The following CSMD3 variants were observed in gnomAD, a reference collection of about 807,000 sequenced individuals.
CSMD3 encodes the protein CUB and Sushi multiple domains 3, also known as CUB and sushi domain-containing protein 3.
A neutral mutation model predicts 435.2 loss-of-function variants in CSMD3; 177 were observed. The ratio of observed to expected loss-of-function variants is 0.41; its 90% CI spans 0.36 to 0.46. CSMD3 has a LOEUF of 0.46. Among genes scored for constraint, CSMD3 ranks in the 20% least tolerant of loss-of-function variants. The pLI is 0.34. For synonymous variants in CSMD3, 1,656 were observed against 1,520.5 expected (o/e 1.09, Z -2.07); for missense variants, 4,265 against 4,504.6 (o/e 0.95, Z 1.52).
At chr8:112,731,176 A>G (rs1038851024) in intron 13 of CSMD3, among the ~76,000 whole-genome samples, 9 of 152,054 alleles carry the variant, frequency 5.9e-5, no homozygotes, top group Non-Finnish European at 1.2e-4. Context: ...TACCACATCA[A>G]TGTTGCTGAT....
At chr8:112,483,661 C>T (rs1819846550) in intron 31 of CSMD3, among the ~76,000 whole-genome samples, 1 of 152,072 alleles carries the variant, frequency 6.6e-6, no homozygotes, top group Non-Finnish European at 1.5e-5. Flanking sequence ...CTGATCTACT[C>T]CAGAATCTTC....
intron 29 of CSMD3, 26 bp from the exon 30 acceptor site, chr8:112,504,003 A>C: frequency 7.1e-7 from 1 of 1,401,936 alleles, no homozygotes. Context: ...AAAGAACAAA[A>C]GAAAGAAAGA....
At chr8:113,122,858 T>A (rs985320437) in intron 4 of CSMD3, among the ~76,000 whole-genome samples, 1 of 151,934 alleles carries the variant, frequency 6.6e-6, no homozygotes, top group Non-Finnish European at 1.5e-5. Flanking sequence ...AATACAAAAT[T>A]AATACAAACA....
At chr8:112,303,557 AAAACAAAC>A (rs960329413) in intron 52 of CSMD3, among the ~76,000 whole-genome samples, 2 of 152,094 alleles carry the variant, frequency 1.3e-5, no homozygotes, top group African/African-American at 4.8e-5. Flanking sequence ...TCTTTCTCAA[AAAACAAAC>A]AAACAAACAA....
At chr8:112,647,061 AAAGC>A (rs1404964339) in intron 19 of CSMD3, among the ~76,000 whole-genome samples, 5 of 147,932 alleles carry the variant, frequency 3.4e-5, no homozygotes, top group Admixed American at 2.7e-4. Context: ...TACAGATGAG[AAAGC>A]AAGCAAGTAT....
chr8:113,024,450 C>T lies in CSMD3; in HGVS notation c.918-5271G>A, dbSNP rs75238018. On this transcript the variant is annotated intron_variant, in intron 5 of 70. Transcript: ENST00000297405. Reference sequence around the variant, plus strand: ...ATATAGTTCTTCAACCTATTAACTTCACCTCTTTTGGATATTTACCTGGTA... The same window carrying T: ...ATATAGTTCTTCAACCTATTAACTTTACCTCTTTTGGATATTTACCTGGTA... 6.6e-3 allele frequency among the ~76,000 whole-genome samples: 1,002 copies of T among 151,942 alleles called. 12 individuals are homozygous for T. The highest frequency in any genetic ancestry group is 0.023 in the African/African-American group (961 of 41,488).
chr8:112,867,692 A>G (rs1276418646), intron 10 of CSMD3, among the ~76,000 whole-genome samples: 1 of 152,132 alleles, frequency 6.6e-6, no homozygotes, highest in Non-Finnish European at 1.5e-5. Flanking sequence ...AACAAAGAAA[A>G]GGTAAAAATA....
chr8:112,885,381 C>CAT (rs1364485633), intron 10 of CSMD3, among the ~76,000 whole-genome samples: 2 of 142,204 alleles, frequency 1.4e-5, no homozygotes, highest in African/African-American at 5.2e-5. Flanking sequence ...TATATATATA[C>CAT]ATATATATAT....
intron 11 of CSMD3, among the ~76,000 whole-genome samples, chr8:112,843,096 G>A (rs555669424): frequency 8.6e-5 from 13 of 151,854 alleles, no homozygotes; most frequent in African/African-American, 3.1e-4. Flanking sequence ...TATCCAAAAA[G>A]AGAGATTTTA....
At chr8:113,002,036 C>G (rs1015934261) in intron 6 of CSMD3, among the ~76,000 whole-genome samples, 3 of 152,026 alleles carry the variant, frequency 2.0e-5, no homozygotes, top group Non-Finnish European at 4.4e-5. Context: ...GAGAGACCTA[C>G]AAATAACTAT....
At chr8:112,591,949 A>G (rs1831229512) in intron 22 of CSMD3, among the ~76,000 whole-genome samples, 1 of 152,060 alleles carries the variant, frequency 6.6e-6, no homozygotes. Context: ...CTAAAAAAGC[A>G]AAAATGTTGC....
At chr8:113,377,005 A>G (rs540296787) in intron 1 of CSMD3, 1 of 739,456 alleles carries the variant, frequency 1.4e-6, no homozygotes, top group Non-Finnish European at 1.9e-6. Flanking sequence ...CCGCAGCCAC[A>G]TCTTCTAGGG....
intron 56 of CSMD3, among the ~76,000 whole-genome samples, chr8:112,290,205 T>C (rs1471848907): frequency 2.0e-5 from 3 of 152,076 alleles, no homozygotes; most frequent in Non-Finnish European, 4.4e-5. Flanking sequence ...GTTTCAGAAT[T>C]TAACATGTGT....
At chr8:112,785,117 C>T (rs1338493800) in intron 13 of CSMD3, among the ~76,000 whole-genome samples, 1 of 151,686 alleles carries the variant, frequency 6.6e-6, no homozygotes, top group East Asian at 1.9e-4. Context: ...CATCTGCATA[C>T]CAATTAATGT....
intron 35 of CSMD3, among the ~76,000 whole-genome samples, chr8:112,402,733 A>G (rs142011995): frequency 1.1e-3 from 172 of 152,306 alleles, no homozygotes; most frequent in Admixed American, 3.9e-3. Context: ...TTAAAAATCT[A>G]CTGTGAGTTT....
chr8:112,647,425 TCCA>T (rs1457029304), intron 19 of CSMD3, among the ~76,000 whole-genome samples: 1 of 150,408 alleles, frequency 6.6e-6, no homozygotes, highest in Non-Finnish European at 1.5e-5. Flanking sequence ...CCTCAGCCCC[TCCA>T]CCGCAGTAGC....
At chr8:113,221,264 G>T (rs1269331564) in intron 3 of CSMD3, among the ~76,000 whole-genome samples, 2 of 150,852 alleles carry the variant, frequency 1.3e-5, no homozygotes, top group Non-Finnish European at 3.0e-5. Flanking sequence ...ATGTCCCTAA[G>T]AAAATTCATC....
At chr8:113,280,906 T>A (rs962364396) in intron 2 of CSMD3, among the ~76,000 whole-genome samples, 3 of 151,986 alleles carry the variant, frequency 2.0e-5, no homozygotes, top group African/African-American at 4.8e-5. Flanking sequence ...TTGATTGCGC[T>A]TTTGACCCAA....
chr8:112,598,299 T>C (rs1831955085), intron 22 of CSMD3, among the ~76,000 whole-genome samples: 1 of 146,570 alleles, frequency 6.8e-6, no homozygotes, highest in Admixed American at 6.9e-5. Context: ...TACCTAGGAA[T>C]CCAACTTACA....
Sources: allele counts gnomAD v4.1 joint callset (sites outside exome capture counted in the v4.1 genomes callset), GRCh38; gene constraint gnomAD v4.1.1; transcripts MANE v1.5; gene names NCBI Gene and HGNC (gene_info 2026-07-23, HGNC 2026-07-21).